CAPN7: variants seen among roughly 807,000 people sequenced by gnomAD.
The protein encoded by CAPN7 is calpain 7, also known as calpain-7.
Under a neutral mutation model 115.2 loss-of-function variants are expected in CAPN7, and 72 were observed. The ratio of observed to expected loss-of-function variants is 0.63; its 90% confidence interval spans 0.52 to 0.76. The LOEUF (loss-of-function observed/expected upper bound fraction) is 0.76, where lower values mean the gene tolerates loss of function less well. CAPN7 is among the 30% of genes least tolerant of loss of function. CAPN7 has a pLI of 0.00. For synonymous variants in CAPN7, 344 were observed against 322.3 expected, an observed-to-expected ratio of 1.07 and a Z score of -0.72; for missense variants, 905 against 971.5, an observed-to-expected ratio of 0.93 and a Z score of 0.91.
intron 1 of CAPN7, among the ~76,000 whole-genome samples, chr3:15,207,652 T>TA (rs1425337585): frequency 4.0e-5 from 6 of 151,832 alleles, no homozygotes; most frequent in African/African-American, 1.4e-4. Flanking sequence ...TTTTTTTTTT[T>TA]TTATTCTTTA....
intron 17 of CAPN7, 56 bp from the exon 18 acceptor site, chr3:15,246,676 A>G: frequency 1.7e-6 from 2 of 1,197,794 alleles, no homozygotes; most frequent in South Asian, 2.5e-5. Context: ...TTCATGTATC[A>G]CTTTGATGTT....
In CAPN7 at chr3:15,241,576, CAT is replaced by C; in HGVS notation, c.1778_1779del (p.Ile593AsnfsTer5). On this transcript the variant is annotated frameshift_variant, in exon 15 of 21. Transcript: ENST00000253693. LOFTEE classifies it high-confidence loss of function. ...AAVWVLLSRHITDKDDFANNR... is the reference protein window; with the variant it reads ...AAVWVLLSRHXTDKDDFANNR... Reference sequence around the variant, plus strand: ...CAGTTTGGGTTTTGCTTAGTAGACACATAACAGACAAGGTACTGATACCCTTC... The same window carrying C: ...CAGTTTGGGTTTTGCTTAGTAGACACAACAGACAAGGTACTGATACCCTTC... 1 of 1,613,854 alleles carries C rather than the reference CAT, an allele frequency of 6.2e-7. No homozygotes were observed. The highest frequency in any genetic ancestry group is 8.5e-7 in the Non-Finnish European group (1 of 1,179,890).
rs748553405 is a variant in CAPN7, at chr3:15,240,617, G to A, written c.1552G>A (p.Gly518Arg). The change falls in exon 13 of 21, where the codon GGA (glycine) becomes AGA (arginine). Residue 518 changes from glycine to arginine, a missense_variant and splice_region_variant. Gly to Arg is a moderately radical substitution (Grantham distance 125). Around this residue, in one of 3 missense-constraint regions of CAPN7, gnomAD observed 620 missense variants for 703.4 expected, o/e 0.88. Transcript: ENST00000253693. ...DPRTAQKIDN[G>R]IFWISWDDLC... is the part of the protein sequence containing the mutation. ...CCGAACAGCTCAGAAAATAGACAAC[G>A]GTAAATATATCTTTTTAATTTTAAT... The A allele has an allele frequency of 3.8e-6, 6 of 1,587,752 alleles. No homozygotes were observed. The highest frequency in any genetic ancestry group is 4.3e-6 in the Non-Finnish European group (5 of 1,172,082).
Position 15,240,616 on chromosome 3 carries a change from C to G in CAPN7, c.1551C>G (p.Asn517Lys). 1 of 1,587,860 alleles carries G rather than the reference C, an allele frequency of 6.3e-7. No homozygotes were observed. Among genetic ancestry groups the G allele is most frequent in the Non-Finnish European group, 8.5e-7 (1 of 1,172,102 alleles). Residue 517 changes from asparagine to lysine, a missense_variant and splice_region_variant, in exon 13 of 21, where the codon AAC becomes AAG. By Grantham distance (94) the Asn-to-Lys change is moderately conservative. Coordinates refer to ENST00000253693, the MANE Select transcript of CAPN7 (RefSeq NM_014296.3). ...CCCGAACAGCTCAGAAAATAGACAA[C>G]GGTAAATATATCTTTTTAATTTTAA... is the stretch of plus-strand genomic sequence containing the variant. ...FDPRTAQKIDNGIFWISWDDL... is the reference protein window; with the variant it reads ...FDPRTAQKIDKGIFWISWDDL...
At chr3:15,242,083 A>C in intron 15 of CAPN7, 95 bp from the exon 16 acceptor site, 2 of 759,894 alleles carry the variant, frequency 2.6e-6, no homozygotes, top group Non-Finnish European at 4.3e-6. Context: ...TTTTTTGTGG[A>C]GAGATTTAGA....
chr3:15,241,772 T>G (rs1325561685), intron 15 of CAPN7, among the ~76,000 whole-genome samples, 184 bp downstream of exon 15: 1 of 152,188 alleles, frequency 6.6e-6, no homozygotes, highest in Non-Finnish European at 1.5e-5. Flanking sequence ...ACACTTAAAA[T>G]CTTGTTCAAA....
rs764404005 is a variant in CAPN7 at position 15,212,176 on chromosome 3, G to C, written c.175G>C (p.Glu59Gln). The change falls in exon 2 of 21, where the codon GAG becomes CAG. Residue 59 changes from glutamate to glutamine, a missense_variant. Physicochemically the swap from Glu to Gln is conservative, Grantham distance 29. Around this residue, in one of 3 missense-constraint regions of CAPN7, gnomAD observed 271 missense variants for 239.6 expected, o/e 1.13. Coordinates refer to ENST00000253693, the MANE Select transcript of CAPN7 (RefSeq NM_014296.3). The stretch of plus-strand genomic sequence containing the variant: ...AGAAAATATTCAAGAAAAAATAACT[G>C]AGTATCTGGAAAGAGTTCAAGCTCT... ...SLENIQEKIT[E>Q]YLERVQALHS... The C allele has an allele frequency of 6.2e-7, 1 of 1,609,290 alleles. No homozygotes were observed. Among genetic ancestry groups the C allele is most frequent in the South Asian group, 1.1e-5 (1 of 90,574 alleles).
Position 15,206,562 on chromosome 3 carries a change from G to A in CAPN7, c.67G>A (p.Glu23Lys), listed in dbSNP as rs1354186110. The change falls in exon 1 of 21, where the codon GAA becomes AAA. Residue 23 changes from glutamate (E) to lysine (K), a missense_variant. Transcript: ENST00000253693. ...FARLAVQRDH[E>K]GRYSEAVFYY... ...CCGTCTGGCGGTTCAGCGCGACCAC[G>A]AAGGCCGCTACTCCGAGGCGGTGTT... 1.3e-6 allele frequency: 2 copies of A among 1,554,206 alleles called. No homozygotes were observed. The highest frequency in any genetic ancestry group is 1.7e-6 in the Non-Finnish European group (2 of 1,149,094).
intron 14 of CAPN7, among the ~76,000 whole-genome samples, 190 bp downstream of exon 14, chr3:15,241,043 A>G (rs1416747919): frequency 6.6e-6 from 1 of 152,128 alleles, no homozygotes; most frequent in African/African-American, 2.4e-5. Context: ...TGTCTCTACA[A>G]AAAATACAAA....
intron 10 of CAPN7, 42 bp from the exon 11 acceptor site, chr3:15,233,825 T>C: frequency 2.8e-6 from 3 of 1,060,818 alleles, no homozygotes; most frequent in Non-Finnish European, 4.4e-6. Context: ...TTTAAGAACT[T>C]GAAAATGACA....
intron 16 of CAPN7, among the ~76,000 whole-genome samples, chr3:15,243,894 G>A (rs1430838217): frequency 3.3e-5 from 5 of 152,240 alleles, no homozygotes; most frequent in African/African-American, 1.2e-4. Context: ...CCCATGACAC[G>A]TATTTACTTT....
intron 16 of CAPN7, among the ~76,000 whole-genome samples, chr3:15,243,020 G>C (rs1209865219): frequency 6.6e-6 from 1 of 152,164 alleles, no homozygotes; most frequent in Non-Finnish European, 1.5e-5. Flanking sequence ...GTAAAAAAAA[G>C]GGTTATGTGT....
chr3:15,241,856 T>C (rs953163216), intron 15 of CAPN7, among the ~76,000 whole-genome samples: 2 of 152,208 alleles, frequency 1.3e-5, no homozygotes, highest in Admixed American at 1.3e-4. Flanking sequence ...GTGTATAGTT[T>C]AGATCTTAAT....
chr3:15,213,727 T>C (rs1434557259), intron 2 of CAPN7, among the ~76,000 whole-genome samples: 1 of 152,196 alleles, frequency 6.6e-6, no homozygotes, highest in Non-Finnish European at 1.5e-5. Flanking sequence ...TATTCTTACT[T>C]TATATTAAAT....
rs140901333 is a variant in CAPN7 at position 15,217,541 on chromosome 3, A to G, written c.328A>G (p.Ile110Val). ...TGAAAAAGAGAATGTTGAAGATGCTATAGAATTGTACACAGAAGCTGTGGA... is the reference window on the plus strand; with the variant it reads ...TGAAAAAGAGAATGTTGAAGATGCTGTAGAATTGTACACAGAAGCTGTGGA... The part of the protein sequence containing the change: ...EDEKENVEDA[I>V]ELYTEAVDLC... The change falls in exon 3 of 21, where the codon ATA becomes GTA. Residue 110 changes from isoleucine (I) to valine (V), a missense_variant. Ile to Val is a conservative substitution (Grantham distance 29). Coordinates refer to ENST00000253693, the MANE Select transcript of CAPN7 (RefSeq NM_014296.3). 7.5e-3 allele frequency: 12,112 copies of G among 1,613,848 alleles called. 73 individuals carry two copies. The highest frequency in any genetic ancestry group is 8.1e-3 in the Middle Eastern group (49 of 6,050).
chr3:15,233,137 G>A (rs1002518597), intron 10 of CAPN7, among the ~76,000 whole-genome samples: 1 of 152,116 alleles, frequency 6.6e-6, no homozygotes, highest in Non-Finnish European at 1.5e-5. Context: ...CCAGCCTGTG[G>A]CCTTAGAAAA....
At chr3:15,245,214 C>T (rs1695588406) in intron 16 of CAPN7, among the ~76,000 whole-genome samples, 1 of 150,556 alleles carries the variant, frequency 6.6e-6, no homozygotes, top group African/African-American at 2.5e-5. Context: ...AAAACTAATC[C>T]TGACTTTAAG....
intron 19 of CAPN7, 139 bp from the exon 20 acceptor site, chr3:15,250,792 C>CA (rs1695961447): frequency 1.6e-6 from 1 of 610,158 alleles, no homozygotes; most frequent in Non-Finnish European, 2.9e-6. Context: ...GTGTTATGAT[C>CA]AAAAATAGAG....
chr3:15,215,260 G>A (rs2045184032), intron 2 of CAPN7, among the ~76,000 whole-genome samples: 2 of 152,000 alleles, frequency 1.3e-5, no homozygotes, highest in South Asian at 4.1e-4. Context: ...TAGTGAGACC[G>A]TGTATTTAAA....
Sources: allele counts gnomAD v4.1 joint callset (sites outside exome capture counted in the v4.1 genomes callset), GRCh38; gene constraint gnomAD v4.1.1; regional missense constraint gnomAD v4.1.1; transcripts MANE v1.5; gene names NCBI Gene and HGNC (gene_info 2026-07-23, HGNC 2026-07-21).